The following CARD6 variants were observed in gnomAD, a reference collection of about 807,000 sequenced individuals.
CARD6 encodes caspase recruitment domain-containing protein 6.
In CARD6, 27 loss-of-function variants were observed where a neutral mutation model predicts 23.6. The observed-to-expected ratio is 1.14, with a 90% CI of 0.84 to 1.58. CARD6 has a LOEUF of 1.58. Among genes scored for constraint, CARD6 ranks in the 40% most tolerant of loss-of-function variants. The pLI is 0.00. For missense variants in CARD6, 1,214 were observed against 1,209.9 expected, an observed-to-expected ratio of 1.00 and a Z score of -0.05; for synonymous variants, 397 against 431.8, an observed-to-expected ratio of 0.92 and a Z score of 1.00.
Position 40,853,408 on chromosome 5 carries a change from C to T in CARD6, c.2076C>T (p.Ser692=). Residue 692 remains serine, a synonymous_variant, in exon 3 of 3, where the codon AGC becomes AGT. Coordinates refer to ENST00000254691, the MANE Select transcript of CARD6 (RefSeq NM_032587.4). ...AGCAAAGACACAGTCAGCTAAAAAGCTCATCTAAAAGCCAGGCTCTAATGC... is the reference window on the plus strand; with the variant it reads ...AGCAAAGACACAGTCAGCTAAAAAGTTCATCTAAAAGCCAGGCTCTAATGC... ...EGQQRHSQLK[S]SSKSQALMPI... 2 of 1,614,126 alleles carry T rather than the reference C, an allele frequency of 1.2e-6. No homozygotes were observed. Among genetic ancestry groups the T allele is most frequent in the Middle Eastern group, 1.6e-4 (1 of 6,062 alleles).
chr5:40,851,436 T>C (rs919693502), intron 2 of CARD6, among the ~76,000 whole-genome samples: 10 of 152,174 alleles, frequency 6.6e-5, no homozygotes, highest in African/African-American at 9.7e-5. Context: ...TACTGTACCA[T>C]ATTGATATCT....
chr5:40,841,397 T>C lies in CARD6; in HGVS notation c.15T>C (p.Ser5=), dbSNP rs767188573. The C allele has an allele frequency of 5.4e-5, 86 of 1,602,078 alleles. No homozygotes were observed. The highest frequency in any genetic ancestry group is 6.6e-5 in the Non-Finnish European group (77 of 1,175,556). MATE[S]TPSEIIERER... ...AAACAGGAACAATGGCTACCGAGAGTACTCCCTCAGAGATCATAGAAAGAG... is the reference window on the plus strand; with the variant it reads ...AAACAGGAACAATGGCTACCGAGAGCACTCCCTCAGAGATCATAGAAAGAG... The change falls in exon 1 of 3, where the codon AGT becomes AGC. Residue 5 remains serine, a synonymous_variant. Coordinates refer to ENST00000254691, the MANE Select transcript of CARD6 (RefSeq NM_032587.4).
rs914939098 is a variant in CARD6 at position 40,841,583 on chromosome 5, G to C, written c.201G>C (p.Lys67Asn). 1 of 1,614,062 alleles carries C rather than the reference G, an allele frequency of 6.2e-7. No individual in the cohort carries two copies. The highest frequency in any genetic ancestry group is 8.5e-7 in the Non-Finnish European group (1 of 1,180,000). Residue 67 changes from lysine (K) to asparagine (N), a missense_variant, in exon 1 of 3, where the codon AAG becomes AAC. Transcript: ENST00000254691. ...AGCTGTTAATTTTGGTACAGAAAAA[G>C]GGAGAGGCGACCTGTCAGCATTTTC... ...SRKLLILVQK[K>N]GEATCQHFLK...
In CARD6 at chr5:40,854,182, C is replaced by T; in HGVS notation, c.2850C>T (p.Ser950=). 1 of 1,614,184 alleles carries T rather than the reference C, an allele frequency of 6.2e-7. No homozygotes were observed. The highest frequency in any genetic ancestry group is 8.5e-7 in the Non-Finnish European group (1 of 1,180,044). The change falls in exon 3 of 3, where the codon TCC becomes TCT. Residue 950 remains serine, a synonymous_variant. Transcript: ENST00000254691. Reference sequence around the variant, plus strand: ...TCAAATCCGATCAGTCCAACCCATCCACAGTCAAACACTCCCAGCCTAAAC... The same window carrying T: ...TCAAATCCGATCAGTCCAACCCATCTACAGTCAAACACTCCCAGCCTAAAC... ...SQFKSDQSNP[S]TVKHSQPKPF... is the part of the protein sequence containing the mutation.
chr5:40,848,461 C>T (rs943311898), intron 2 of CARD6, among the ~76,000 whole-genome samples: 6 of 152,154 alleles, frequency 3.9e-5, no homozygotes, highest in Admixed American at 2.0e-4. Flanking sequence ...AGTGATCCTC[C>T]TGCCTCAGCC....
At position 40,853,506 on chromosome 5, in the gene CARD6, G is replaced by T. The variant is rs1233310027; in HGVS notation, c.2174G>T (p.Arg725Met). ...AATCTCTATGGTACCCCAGTATTCA[G>T]GCCTGTTCTAGAGAACTCCTGGCTC... ...LQNLYGTPVF[R>M]PVLENSWLFP... Residue 725 changes from arginine (R) to methionine (M), a missense_variant, in exon 3 of 3, where the codon AGG (arginine) becomes ATG (methionine). Coordinates refer to ENST00000254691, the MANE Select transcript of CARD6 (RefSeq NM_032587.4). 6.2e-7 allele frequency: 1 copy of T among 1,614,166 alleles called. No homozygotes were observed. Among genetic ancestry groups the T allele is most frequent in the South Asian group, 1.1e-5 (1 of 91,078 alleles).
chr5:40,843,026 G>A (rs1450126757), intron 1 of CARD6, 126 bp from the exon 2 acceptor site: 12 of 679,342 alleles, frequency 1.8e-5, no homozygotes, highest in Non-Finnish European at 2.6e-5. Context: ...CAACAAGAGT[G>A]AAACTCTGTC....
intron 2 of CARD6, among the ~76,000 whole-genome samples, chr5:40,851,601 T>G (rs1315076315): frequency 2.0e-5 from 3 of 151,800 alleles, no homozygotes; most frequent in Admixed American, 6.6e-5. Context: ...GGCTGATCAC[T>G]TGAGTCTAGT....
Position 40,843,459 on chromosome 5 carries a change from A to T in CARD6, c.591A>T (p.Gly197=). 1 of 1,613,630 alleles carries T rather than the reference A, an allele frequency of 6.2e-7. No homozygotes were observed. ...CAACTATTACATATATAAAAGATGG[A>T]CAGAGATATGAGGAGCTAGATGATT... The part of the protein sequence containing the change: ...VPATITYIKD[G]QRYEELDDSL... The change falls in exon 2 of 3, where the codon GGA becomes GGT. Residue 197 remains glycine (G), a synonymous_variant. Coordinates refer to ENST00000254691, the MANE Select transcript of CARD6 (RefSeq NM_032587.4).
chr5:40,848,454 G>T (rs1254647262), intron 2 of CARD6, among the ~76,000 whole-genome samples: 1 of 152,074 alleles, frequency 6.6e-6, no homozygotes, highest in Non-Finnish European at 1.5e-5. Context: ...GGGCTCAAGT[G>T]ATCCTCCTGC....
At chr5:40,844,494 A>G (rs74998603) in intron 2 of CARD6, among the ~76,000 whole-genome samples, 1,992 of 152,220 alleles carry the variant, frequency 0.013, 17 homozygotes, top group South Asian at 0.026. Flanking sequence ...GCCACCCAAA[A>G]TCCTGGGATT....
In CARD6 at chr5:40,844,333, G is replaced by A. The variant is rs9292786; in HGVS notation, c.841+624G>A. On this transcript the variant is annotated intron_variant, in intron 2 of 2. Coordinates refer to ENST00000254691, the MANE Select transcript of CARD6 (RefSeq NM_032587.4). ...ACCGCAGCCTCTACCTCCCAGGCTC[G>A]GGTGATCCTCCTACCTCAGCCTCCT... 6.9e-3 allele frequency among the ~76,000 whole-genome samples: 1,047 copies of A among 152,112 alleles called. 9 individuals carry two copies. Among genetic ancestry groups the A allele is most frequent in the African/African-American group, 0.024 (1,003 of 41,468 alleles).
chr5:40,851,458 G>A (rs1463735787), intron 2 of CARD6, among the ~76,000 whole-genome samples: 1 of 152,132 alleles, frequency 6.6e-6, no homozygotes, highest in Non-Finnish European at 1.5e-5. Context: ...CCCTAAAAAC[G>A]AAGCTGACTT....
At chr5:40,841,988 C>G (rs556825156) in intron 1 of CARD6, among the ~76,000 whole-genome samples, 1 of 152,320 alleles carries the variant, frequency 6.6e-6, no homozygotes, top group Admixed American at 6.5e-5. Context: ...AATAATAACA[C>G]AATCCAGGGT....
chr5:40,841,405 CAG>C lies in CARD6; in HGVS notation c.27_28del (p.Glu9AspfsTer11), dbSNP rs1301253757. On this transcript the variant is annotated frameshift_variant, in exon 1 of 3. Coordinates refer to ENST00000254691, the MANE Select transcript of CARD6 (RefSeq NM_032587.4). LOFTEE classifies it high-confidence loss of function. ...ACAATGGCTACCGAGAGTACTCCCT[CAG>C]AGATCATAGAAAGAGAAAGAAAAAA... 1 of 1,610,432 alleles carries C rather than the reference CAG, an allele frequency of 6.2e-7. No homozygotes were observed.
chr5:40,852,151 C>T (rs1450806077), intron 2 of CARD6, 23 bp from the exon 3 acceptor site: 1 of 1,444,290 alleles, frequency 6.9e-7, no homozygotes, highest in African/African-American at 1.4e-5. Context: ...ACATGGCATT[C>T]ACTATTATCT....
intron 2 of CARD6, among the ~76,000 whole-genome samples, chr5:40,851,029 T>C (rs1174041436): frequency 1.3e-5 from 2 of 152,030 alleles, no homozygotes; most frequent in Non-Finnish European, 2.9e-5. Flanking sequence ...TATAATATCA[T>C]TTATGTAAAA....
In CARD6 at chr5:40,852,652, A is replaced by G; in HGVS notation, c.1320A>G (p.Thr440=). ...CAACACAGTTTTCAGGGGGGCCTAC[A>G]GAGGATACAGAAAAGTTTCTGACTC... The part of the protein sequence containing the change: ...KQSTQFSGGP[T]EDTEKFLTLM... Residue 440 remains threonine (T), a synonymous_variant, in exon 3 of 3, where the codon ACA becomes ACG. Transcript: ENST00000254691. 1.2e-6 allele frequency: 2 copies of G among 1,614,234 alleles called. No homozygotes were observed. Among genetic ancestry groups the G allele is most frequent in the South Asian group, 2.2e-5 (2 of 91,082 alleles).
Position 40,852,143 on chromosome 5 carries a change from A to G in CARD6, c.842-31A>G, listed in dbSNP as rs113825190. On this transcript the variant is annotated intron_variant, in intron 2 of 2. Coordinates refer to ENST00000254691, the MANE Select transcript of CARD6 (RefSeq NM_032587.4). ...GATGGGGAAAATTGAAACTCTGAAC[A>G]TGGCATTCACTATTATCTTCTCTCC... The G allele has an allele frequency of 1.0e-5, 14 of 1,391,906 alleles. No homozygotes were observed. The African/African-American group carries it at 1.0e-4, about 10-fold the overall frequency. 86.2% of individuals were successfully genotyped at this position (1,391,906 alleles called of 1,614,324 possible).
Sources: gnomAD v4.1 joint callset for allele counts (sites outside exome capture counted in the v4.1 genomes callset) on GRCh38, gnomAD v4.1.1 for gene constraint, MANE v1.5 for transcripts, NCBI Gene and HGNC (gene_info 2026-07-23, HGNC 2026-07-21) for gene names.